Variants in DOCK10 observed in about 807,000 individuals in gnomAD.
DOCK10 encodes dedicator of cytokinesis protein 10.
DOCK10 carries 145 observed loss-of-function variants against 280.1 expected under a neutral mutation model. The observed-to-expected ratio is 0.52, with a 90% CI of 0.45 to 0.59. DOCK10 has a LOEUF of 0.59. Among genes scored for constraint, DOCK10 ranks in the 20% least tolerant of loss-of-function variants. The pLI is 0.00. For synonymous variants in DOCK10, 915 were observed against 942.2 expected, an observed-to-expected ratio of 0.97 and a Z score of 0.53; for missense variants, 2,368 against 2,651.7, an observed-to-expected ratio of 0.89 and a Z score of 2.35.
At chr2:224,952,742 G>A (rs912291649) in intron 1 of DOCK10, among the ~76,000 whole-genome samples, 14 of 151,418 alleles carry the variant, frequency 9.2e-5, no homozygotes, top group African/African-American at 3.4e-4. Flanking sequence ...ACAGGCGCCC[G>A]CCACTACGCC....
intron 11 of DOCK10, among the ~76,000 whole-genome samples, chr2:224,869,858 A>G (rs1260253393): frequency 6.6e-6 from 1 of 152,220 alleles, no homozygotes; most frequent in Non-Finnish European, 1.5e-5. Context: ...GGCAGTAGAA[A>G]GAAAAGCCCA....
At chr2:224,961,691 G>A (rs1704460868) in intron 1 of DOCK10, among the ~76,000 whole-genome samples, 1 of 151,616 alleles carries the variant, frequency 6.6e-6, no homozygotes, top group African/African-American at 2.4e-5. Flanking sequence ...ATTTTTAGTA[G>A]AGACAAGGTT....
Position 224,864,616 on chromosome 2 carries a change from T to A in DOCK10, c.1539A>T (p.Lys513Asn), listed in dbSNP as rs773614616. 1.9e-6 allele frequency: 3 copies of A among 1,613,500 alleles called. No homozygotes were observed. The Admixed American group carries it at 5.0e-5, about 27-fold the overall frequency. Residue 513 changes from lysine to asparagine, a missense_variant, in exon 13 of 56, where the codon AAA becomes AAT. This residue lies in a region of DOCK10 where 1,209 missense variants were observed against 1,250.9 expected (regional missense o/e 0.97). Transcript: ENST00000258390. Reference protein sequence around the residue: ...SEIVLVAKIEKVLMGNIASGA... With the variant: ...SEIVLVAKIENVLMGNIASGA... ...CACTTGCAATGTTTCCCATCAAGAC[T>A]TTTTCGATTTTGGCCACCAAAACAA...
intron 3 of DOCK10, among the ~76,000 whole-genome samples, chr2:224,898,215 G>T (rs901173560): frequency 4.6e-5 from 7 of 152,124 alleles, no homozygotes; most frequent in Admixed American, 1.3e-4. Flanking sequence ...CATGAAAAAC[G>T]CAGGGCGAGG....
intron 14 of DOCK10, among the ~76,000 whole-genome samples, chr2:224,857,757 AT>A (rs1179566219): frequency 0.012 from 1,767 of 147,604 alleles, 26 homozygotes; most frequent in African/African-American, 0.04. Flanking sequence ...AAAAAATAGA[AT>A]TTTTTTTTTT....
At chr2:224,886,263 T>A (rs1699275731) in intron 5 of DOCK10, 78 bp from the exon 6 acceptor site, 6 of 1,567,594 alleles carry the variant, frequency 3.8e-6, no homozygotes, top group Non-Finnish European at 5.2e-6. Flanking sequence ...AAAAAGAGAC[T>A]CCTCTTCCTC....
At chr2:224,939,141 T>G (rs1464306583) in intron 1 of DOCK10, among the ~76,000 whole-genome samples, 1 of 152,336 alleles carries the variant, frequency 6.6e-6, no homozygotes, top group Non-Finnish European at 1.5e-5. Flanking sequence ...TCTTAGTCCA[T>G]TTCAGTGACA....
chr2:224,859,488 C>T (rs1175471261), intron 14 of DOCK10, among the ~76,000 whole-genome samples: 4 of 152,114 alleles, frequency 2.6e-5, no homozygotes, highest in African/African-American at 9.7e-5. Context: ...TATTCCTCCC[C>T]CAAGGATAAC....
At chr2:224,935,693 C>T (rs1702646148) in intron 1 of DOCK10, among the ~76,000 whole-genome samples, 1 of 152,106 alleles carries the variant, frequency 6.6e-6, no homozygotes, top group East Asian at 1.9e-4. Context: ...CACGTAAAAT[C>T]CTCATTATCC....
chr2:224,963,338 G>A (rs1352235991), intron 1 of DOCK10, among the ~76,000 whole-genome samples: 2 of 152,124 alleles, frequency 1.3e-5, no homozygotes, highest in East Asian at 1.9e-4. Context: ...TGATATATTC[G>A]CAGTTAATAC....
At position 224,982,477 on chromosome 2, in the gene DOCK10, T is replaced by C; in HGVS notation, c.124-50809A>G. On this transcript the variant is annotated intron_variant, in intron 1 of 55. Coordinates refer to ENST00000258390, the MANE Select transcript of DOCK10 (RefSeq NM_014689.3). Reference sequence around the variant, plus strand: ...TACACTGCAGCTGCAGCCGGCTCACTCTCCAATCACTTCCTTGAGCTCTGA... The same window carrying C: ...TACACTGCAGCTGCAGCCGGCTCACCCTCCAATCACTTCCTTGAGCTCTGA... 4 of 1,228,178 alleles carry C rather than the reference T, an allele frequency of 3.3e-6. No homozygotes were observed. In the South Asian group the frequency reaches 1.3e-4, roughly 39 times the overall value. 76.1% of individuals were successfully genotyped at this position (1,228,178 alleles called of 1,614,324 possible).
intron 48 of DOCK10, 92 bp from the exon 49 acceptor site, chr2:224,787,489 T>G: frequency 6.6e-7 from 1 of 1,515,206 alleles, no homozygotes; most frequent in Non-Finnish European, 9.0e-7. Context: ...ATTGTCAAAC[T>G]TTTCCCTCTG....
At chr2:224,865,151 T>C in intron 11 of DOCK10, 64 bp from the exon 12 acceptor site, 1 of 1,463,808 alleles carries the variant, frequency 6.8e-7, no homozygotes. Flanking sequence ...ACAGCCTCGT[T>C]AGTACATCAT....
rs1699297461 is a variant in DOCK10 at position 224,886,574 on chromosome 2, A to G, written c.417-43T>C. On this transcript the variant is annotated intron_variant, in intron 4 of 55. Coordinates refer to ENST00000258390, the MANE Select transcript of DOCK10 (RefSeq NM_014689.3). ...AAAAGATTCTGATTTGTCATTGGAG[A>G]CAGCTTTCATTTTAAGTTGCTCCCC... 5.3e-6 allele frequency: 8 copies of G among 1,522,336 alleles called. No individual in the cohort carries two copies. In the East Asian group the frequency reaches 1.6e-4, roughly 30 times the overall value. 94.3% of individuals were successfully genotyped at this position (1,522,336 alleles called of 1,614,324 possible).
At chr2:224,947,601 T>C (rs998470775) in intron 1 of DOCK10, among the ~76,000 whole-genome samples, 2 of 152,230 alleles carry the variant, frequency 1.3e-5, no homozygotes, top group African/African-American at 2.4e-5. Context: ...TGAATCTGTA[T>C]GTCAAATAGT....
At chr2:224,835,678 T>C (rs10933074) in intron 25 of DOCK10, among the ~76,000 whole-genome samples, 45,298 of 152,140 alleles carry the variant, frequency 0.3, 8,006 homozygotes, top group African/African-American at 0.49. Flanking sequence ...GCTGACTGCT[T>C]AAGTCTAGAA....
chr2:224,857,285 A>C (rs1022041585), intron 14 of DOCK10, among the ~76,000 whole-genome samples: 40 of 152,228 alleles, frequency 2.6e-4, no homozygotes, highest in Non-Finnish European at 7.3e-5. Context: ...AGTGGAGAAG[A>C]ATAGGAACAC....
intron 38 of DOCK10, among the ~76,000 whole-genome samples, chr2:224,804,528 C>T (rs1290735302): frequency 6.6e-6 from 1 of 150,466 alleles, no homozygotes; most frequent in Non-Finnish European, 1.5e-5. Context: ...ATGATAAATT[C>T]ATTCTGAAGA....
intron 1 of DOCK10, among the ~76,000 whole-genome samples, chr2:225,006,154 C>T (rs996166887): frequency 5.9e-5 from 9 of 152,166 alleles, no homozygotes; most frequent in African/African-American, 2.2e-4. Context: ...CATCTTCATT[C>T]TTCTCCCCAC....
Sources: gnomAD v4.1 joint callset for allele counts (sites outside exome capture counted in the v4.1 genomes callset) on GRCh38, gnomAD v4.1.1 for gene constraint, gnomAD v4.1.1 regional missense constraint, MANE v1.5 for transcripts, NCBI Gene and HGNC (gene_info 2026-07-23, HGNC 2026-07-21) for gene names.